MDGA2: variants seen among roughly 807,000 people sequenced by gnomAD.
The protein encoded by MDGA2 is MAM domain containing glycosylphosphatidylinositol anchor 2, also known as MAM domain-containing glycosylphosphatidylinositol anchor protein 2.
MDGA2 carries 40 observed loss-of-function variants against 117.8 expected under a neutral mutation model. The observed-to-expected ratio is 0.34, with a 90% CI of 0.26 to 0.44. MDGA2 has a LOEUF of 0.44. MDGA2 is among the 20% of genes least tolerant of loss of function. The pLI is 1.00. For synonymous variants in MDGA2, 452 were observed against 439.0 expected (o/e 1.03, Z -0.37); for missense variants, 1,123 against 1,250.6 (o/e 0.90, Z 1.54).
chr14:47,400,414 T>C (rs1594837903), intron 1 of MDGA2, among the ~76,000 whole-genome samples: 1 of 152,116 alleles, frequency 6.6e-6, no homozygotes, highest in South Asian at 2.1e-4. Context: ...GTTCTCTCTA[T>C]CCCCTTATAC....
intron 16 of MDGA2, among the ~76,000 whole-genome samples, chr14:46,845,153 G>T (rs1880780863): frequency 6.6e-6 from 1 of 152,174 alleles, no homozygotes; most frequent in African/African-American, 2.4e-5. Context: ...AAAGTGCTGG[G>T]ATTACAGGCG....
At chr14:46,950,892 G>C (rs990852426) in intron 9 of MDGA2, among the ~76,000 whole-genome samples, 1 of 150,860 alleles carries the variant, frequency 6.6e-6, no homozygotes, top group South Asian at 2.1e-4. Context: ...AAAAAAAAAA[G>C]ATAAAATACT....
At chr14:47,058,635 T>A in intron 7 of MDGA2, 1 of 984,684 alleles carries the variant, frequency 1.0e-6, no homozygotes, top group Non-Finnish European at 1.2e-6. Flanking sequence ...AATATCATTT[T>A]AATGATGTCA....
At chr14:47,243,169 C>G (rs942937871) in intron 2 of MDGA2, among the ~76,000 whole-genome samples, 3 of 151,644 alleles carry the variant, frequency 2.0e-5, no homozygotes, top group Admixed American at 6.6e-5. Context: ...ATGCACCAAT[C>G]GACACTCTGT....
chr14:47,601,986 T>C (rs1896657068), intron 1 of MDGA2, among the ~76,000 whole-genome samples: 1 of 152,230 alleles, frequency 6.6e-6, no homozygotes, highest in African/African-American at 2.4e-5. Context: ...GTTTTATGTA[T>C]GGCTACTATA....
chr14:46,991,699 T>A (rs1887099518), intron 8 of MDGA2, among the ~76,000 whole-genome samples: 1 of 152,128 alleles, frequency 6.6e-6, no homozygotes, highest in African/African-American at 2.4e-5. Context: ...AATTCCTTCA[T>A]TCACTGAAAC....
In MDGA2 at chr14:47,421,153, G is replaced by T. The variant is rs914396831; in HGVS notation, c.281-119603C>A. Among the ~76,000 whole-genome samples the T allele has an allele frequency of 1.0e-3, 154 of 152,208 alleles. 4 individuals carry two copies. The highest frequency in any genetic ancestry group is 1.0e-3 in the South Asian group (5 of 4,824). Reference sequence around the variant, plus strand: ...ATCTAGGAACCTACTCTCTGGGTCAGTTTGATGTAACGTATCTGGAGAATT... The same window carrying T: ...ATCTAGGAACCTACTCTCTGGGTCATTTTGATGTAACGTATCTGGAGAATT... On this transcript the variant is annotated intron_variant, in intron 1 of 16. Transcript: ENST00000399232.
intron 1 of MDGA2, among the ~76,000 whole-genome samples, chr14:47,561,179 G>GGTTTTT (rs1895806813): frequency 1.4e-5 from 1 of 71,614 alleles, no homozygotes; most frequent in African/African-American, 4.7e-5. Flanking sequence ...TTGTTTGTTT[G>GGTTTTT]TTTTTTTTTG....
At chr14:47,165,250 TA>T (rs1168136261) in intron 3 of MDGA2, among the ~76,000 whole-genome samples, 7 of 151,682 alleles carry the variant, frequency 4.6e-5, no homozygotes, top group Non-Finnish European at 8.8e-5. Flanking sequence ...TAAAGTATAA[TA>T]AAAAAATACA....
intron 3 of MDGA2, among the ~76,000 whole-genome samples, chr14:47,216,152 GA>G (rs1886080012): frequency 6.6e-6 from 1 of 152,012 alleles, no homozygotes; most frequent in African/African-American, 2.4e-5. Context: ...GACTAGCAAT[GA>G]AAAAGGCTTT....
At chr14:46,957,348 T>C (rs1885601435) in intron 9 of MDGA2, 26 bp downstream of exon 9, 4 of 1,600,496 alleles carry the variant, frequency 2.5e-6, no homozygotes, top group Non-Finnish European at 3.4e-6. Context: ...ACAAAATGTA[T>C]AAAAAGAAAA....
At chr14:47,579,705 C>T (rs185163795) in intron 1 of MDGA2, among the ~76,000 whole-genome samples, 56 of 151,972 alleles carry the variant, frequency 3.7e-4, no homozygotes, top group African/African-American at 1.2e-3. Context: ...CTTTGGAAGA[C>T]ATCTAAAAAT....
At chr14:47,457,019 T>G (rs923680689) in intron 1 of MDGA2, among the ~76,000 whole-genome samples, 7 of 152,228 alleles carry the variant, frequency 4.6e-5, no homozygotes, top group African/African-American at 1.7e-4. Context: ...AACATCTGGC[T>G]GAACTTGGTG....
At chr14:47,225,668 G>T (rs998645690) in intron 2 of MDGA2, among the ~76,000 whole-genome samples, 1 of 151,276 alleles carries the variant, frequency 6.6e-6, no homozygotes, top group African/African-American at 2.4e-5. Context: ...GTTGTGGGGT[G>T]GGGGGAGTGG....
In MDGA2 at chr14:46,841,710, T is replaced by G. The variant is rs934060152; in HGVS notation, c.*221A>C. On this transcript the variant is annotated 3_prime_UTR_variant, in exon 17 of 17. Coordinates refer to ENST00000399232, the MANE Select transcript of MDGA2 (RefSeq NM_001113498.3). ...AAGCACCTGAAGGTCTCTTCTCTACTCAGGTCAAGATTATCTTTTATGTTT... is the reference window on the plus strand; with the variant it reads ...AAGCACCTGAAGGTCTCTTCTCTACGCAGGTCAAGATTATCTTTTATGTTT... The G allele has an allele frequency of 4.3e-5, 13 of 304,082 alleles. No homozygotes were observed. In the East Asian group the frequency reaches 6.6e-4, roughly 15 times the overall value. The allele number at this position is 304,082 out of a possible 1,614,324, so 18.8% of individuals were successfully genotyped here.
At chr14:46,914,995 T>C (rs544274296) in intron 10 of MDGA2, among the ~76,000 whole-genome samples, 2 of 152,176 alleles carry the variant, frequency 1.3e-5, no homozygotes, top group African/African-American at 2.4e-5. Context: ...TATTAGGACA[T>C]AAATCCATGT....
At chr14:47,346,571 T>A (rs1045789549) in intron 1 of MDGA2, among the ~76,000 whole-genome samples, 1 of 152,196 alleles carries the variant, frequency 6.6e-6, no homozygotes, top group African/African-American at 2.4e-5. Context: ...CAATAGTCCT[T>A]CCTACTCAGA....
At chr14:47,409,152 G>A (rs1402301544) in intron 1 of MDGA2, among the ~76,000 whole-genome samples, 2 of 152,174 alleles carry the variant, frequency 1.3e-5, no homozygotes, top group African/African-American at 4.8e-5. Context: ...AAGATGTAGA[G>A]AAAGCAAATA....
In MDGA2 at chr14:47,239,190, C is replaced by T. The variant is rs548794582; in HGVS notation, c.421-20995G>A. ...AACAAAACATATTATGTGACCCTGA[C>T]GACCGTAACCTTTACGAAAGTCAAA... is the stretch of plus-strand genomic sequence containing the variant. On this transcript the variant is annotated intron_variant, in intron 2 of 16. Transcript: ENST00000399232. 6.7e-5 allele frequency among the ~76,000 whole-genome samples: 10 copies of T among 148,594 alleles called. No homozygotes were observed. The East Asian group carries it at 1.2e-3, about 17-fold the overall frequency.
Sources: gnomAD v4.1 joint callset for allele counts (sites outside exome capture counted in the v4.1 genomes callset) on GRCh38, gnomAD v4.1.1 for gene constraint, MANE v1.5 for transcripts, NCBI Gene and HGNC (gene_info 2026-07-23, HGNC 2026-07-21) for gene names.